The following HMCN2 variants were observed in gnomAD, a reference collection of about 807,000 sequenced individuals.
HMCN2 encodes the protein hemicentin-2.
Under a neutral mutation model 377.5 loss-of-function variants are expected in HMCN2, and 325 were observed. That is an observed-to-expected ratio of 0.86 (90% CI 0.79 to 0.94). HMCN2 has a LOEUF of 0.94. Among genes scored for constraint, HMCN2 ranks in the 40% least tolerant of loss-of-function variants. HMCN2 has a pLI of 0.00. For synonymous variants in HMCN2, 2,007 were observed against 2,046.8 expected, an observed-to-expected ratio of 0.98 and a Z score of 0.53; for missense variants, 4,543 against 4,725.3, an observed-to-expected ratio of 0.96 and a Z score of 1.13.
intron 15 of HMCN2, among the ~76,000 whole-genome samples, chr9:130,319,154 A>G (rs1163772617): frequency 6.6e-6 from 1 of 152,156 alleles, no homozygotes; most frequent in East Asian, 1.9e-4. Flanking sequence ...GCGGGTCACA[A>G]TCAGACTGAG....
chr9:130,371,844 A>G (rs11243908), intron 46 of HMCN2, among the ~76,000 whole-genome samples: 121,276 of 152,178 alleles, frequency 0.8, 50,876 homozygotes, highest in Non-Finnish European at 0.93. Flanking sequence ...CCTGTGTCCT[A>G]TGTATCTGCC....
At chr9:130,403,545 GTGGC>G (rs1842955260) in intron 79 of HMCN2, among the ~76,000 whole-genome samples, 192 bp from the exon 80 acceptor site, 1 of 152,228 alleles carries the variant, frequency 6.6e-6, no homozygotes, top group Non-Finnish European at 1.5e-5. Flanking sequence ...CGAGCACTCG[GTGGC>G]TGAGGTGGGA....
Position 130,348,562 on chromosome 9 carries a change from G to A in HMCN2, c.4042G>A (p.Glu1348Lys), listed in dbSNP as rs1346374785. The change falls in exon 27 of 98, where the codon GAG becomes AAG. Residue 1348 changes from glutamate to lysine, a missense_variant. By Grantham distance (56) the Glu-to-Lys change is moderately conservative. Around this residue, in one of 5 missense-constraint regions of HMCN2, gnomAD observed 547 missense variants for 189.9 expected, o/e 2.88. Coordinates refer to ENST00000683500, the MANE Select transcript of HMCN2 (RefSeq NM_001291815.2). ...LVVYVPPSIR[E>K]DGRKANVSGM... ...CCCCCAAGTGCCCCCCAGCATCCGG[G>A]AGGACGGGCGCAAGGCCAACGTGTC... The A allele has an allele frequency of 6.1e-6, 8 of 1,304,066 alleles. No homozygotes were observed. The highest frequency in any genetic ancestry group is 8.1e-6 in the Non-Finnish European group (8 of 988,906). 80.8% of individuals were successfully genotyped at this position (1,304,066 alleles called of 1,614,324 possible).
intron 55 of HMCN2, 48 bp downstream of exon 55, chr9:130,382,345 G>A (rs1057476645): frequency 3.2e-5 from 28 of 878,876 alleles, no homozygotes; most frequent in Middle Eastern, 1.1e-3. Context: ...TGCAAGCGCC[G>A]TAAGGGCCTC....
At position 130,363,997 on chromosome 9, in the gene HMCN2, G is replaced by A. The variant is rs565986312; in HGVS notation, c.6233-717G>A. ...AGGAAAGAAAGAAAGAGAAAGGAAG[G>A]AAGGAAAGAAAGAAAAAGAAAGAAA... On this transcript the variant is annotated intron_variant, in intron 40 of 97. Transcript: ENST00000683500. Among the ~76,000 whole-genome samples the A allele has an allele frequency of 5.0e-4, 76 of 151,964 alleles. 1 individual carries two copies. Among genetic ancestry groups the A allele is most frequent in the African/African-American group, 1.8e-3 (76 of 41,472 alleles).
At chr9:130,431,639 G>A (rs1844765785) in intron 96 of HMCN2, among the ~76,000 whole-genome samples, 153 bp downstream of exon 96, 1 of 152,224 alleles carries the variant, frequency 6.6e-6, no homozygotes, top group African/African-American at 2.4e-5. Context: ...GAGGGGTTCT[G>A]TGAACACCCC....
rs971456105 is a variant in HMCN2, at chr9:130,392,921, G to A, written c.10137-291G>A. ...TGAGGCAGGAGAATGGCGTGAACCC[G>A]GGAGGCGGAGCTTGCAGTGAGCCGA... On this transcript the variant is annotated intron_variant, in intron 66 of 97. Coordinates refer to ENST00000683500, the MANE Select transcript of HMCN2 (RefSeq NM_001291815.2). 4.6e-5 allele frequency among the ~76,000 whole-genome samples: 7 copies of A among 151,990 alleles called. No individual in the cohort carries two copies. In the East Asian group the frequency reaches 7.8e-4, roughly 17 times the overall value.
intron 8 of HMCN2, among the ~76,000 whole-genome samples, chr9:130,299,894 C>G (rs1249381248): frequency 6.6e-6 from 1 of 151,282 alleles, no homozygotes; most frequent in African/African-American, 2.4e-5. Flanking sequence ...CATCCATCTA[C>G]CCACCCATTC....
In HMCN2 at chr9:130,423,795, A is replaced by AAACG. The variant is rs1844156001; in HGVS notation, c.13382-980_13382-977dup. Among the ~76,000 whole-genome samples, 1 of 152,132 alleles carries AAACG rather than the reference A, an allele frequency of 6.6e-6. No homozygotes were observed. Among genetic ancestry groups the AAACG allele is most frequent in the Non-Finnish European group, 1.5e-5 (1 of 68,012 alleles). On this transcript the variant is annotated intron_variant, in intron 87 of 97. Coordinates refer to ENST00000683500, the MANE Select transcript of HMCN2 (RefSeq NM_001291815.2). This position sits in a 1 kb window ranked among gnomAD's most constrained non-coding sequence, Gnocchi z 5.5. ...AGGGCCATTTTTTGGTTCTTTTTTCAAACGGTTTGGAACAAACCGGGGCTG... is the reference window on the plus strand; with the variant it reads ...AGGGCCATTTTTTGGTTCTTTTTTCAAACGAACGGTTTGGAACAAACCGGGGCTG...
At chr9:130,402,136 G>T (rs950727209) in intron 77 of HMCN2, among the ~76,000 whole-genome samples, 1 of 152,226 alleles carries the variant, frequency 6.6e-6, no homozygotes, top group Non-Finnish European at 1.5e-5. Flanking sequence ...TAACAGCAAA[G>T]TCCAACAAGT....
In HMCN2 at chr9:130,369,914, C is replaced by A. The variant is rs1840923080; in HGVS notation, c.7069+63C>A. 1 of 936,366 alleles carries A rather than the reference C, an allele frequency of 1.1e-6. No homozygotes were observed. Among genetic ancestry groups the A allele is most frequent in the Non-Finnish European group, 1.3e-6 (1 of 785,218 alleles). The allele number at this position is 936,366 out of a possible 1,614,324, so 58.0% of individuals were successfully genotyped here. On this transcript the variant is annotated intron_variant, in intron 45 of 97. Coordinates refer to ENST00000683500, the MANE Select transcript of HMCN2 (RefSeq NM_001291815.2). The surrounding 1 kb of genome is among the most constrained non-coding windows in gnomAD (Gnocchi z 4.5). ...CAGATTAGAGTGGGCAAGGTGGGTT[C>A]AATCTCCAGGCACGGCCCTCAGGCT... is the stretch of plus-strand genomic sequence containing the variant.
At chr9:130,346,174 G>A (rs1440929259) in intron 25 of HMCN2, among the ~76,000 whole-genome samples, 13 of 152,132 alleles carry the variant, frequency 8.5e-5, no homozygotes, top group African/African-American at 2.9e-4. Flanking sequence ...AGGTCAGGGG[G>A]CAGGTGAGAG....
chr9:130,398,478 T>G (rs1182744629), intron 74 of HMCN2, 73 bp from the exon 75 acceptor site: 1 of 837,794 alleles, frequency 1.2e-6, no homozygotes, highest in Non-Finnish European at 1.6e-6. Context: ...GCTTTGCCCC[T>G]GGGCACAGCC....
rs952927620 is a variant in HMCN2 at position 130,403,766 on chromosome 9, C to T, written c.12039C>T (p.Gly4013=). 13 of 1,289,708 alleles carry T rather than the reference C, an allele frequency of 1.0e-5. No individual in the cohort carries two copies. In the Admixed American group the frequency reaches 1.6e-4, roughly 16 times the overall value. The allele number at this position is 1,289,708 out of a possible 1,614,324, so 79.9% of individuals were successfully genotyped here. The change falls in exon 80 of 98, where the codon GGC becomes GGT. Residue 4013 remains glycine, a synonymous_variant. Coordinates refer to ENST00000683500, the MANE Select transcript of HMCN2 (RefSeq NM_001291815.2). ...GAGTGAGTACCCAGGTCCTACCAGG[C>T]GGACAGCTGCGGATTGCCCATGCCA... is the stretch of plus-strand genomic sequence containing the variant. ...ATGVSTQVLP[G]GQLRIAHASP...
rs573997256 is a variant in HMCN2 at position 130,431,359 on chromosome 9, C to G, written c.14648-8C>G. 6.5e-7 allele frequency: 1 copy of G among 1,548,914 alleles called. No individual in the cohort carries two copies. Among genetic ancestry groups the G allele is most frequent in the South Asian group, 1.2e-5 (1 of 83,940 alleles). The stretch of plus-strand genomic sequence containing the variant: ...CCCCCACCTGCCCCACCCCCATGCC[C>G]GGGCCAGACCTTGACGAGTGCCGCG... On this transcript the variant is annotated splice_polypyrimidine_tract_variant and splice_region_variant and intron_variant, in intron 95 of 97. Transcript: ENST00000683500.
chr9:130,316,309 G>A (rs1837558167), intron 15 of HMCN2, among the ~76,000 whole-genome samples: 1 of 152,048 alleles, frequency 6.6e-6, no homozygotes, highest in Non-Finnish European at 1.5e-5. Context: ...GGTGTCTAGG[G>A]GCAGATGGAC....
At chr9:130,343,925 G>A (rs1564798317) in intron 25 of HMCN2, among the ~76,000 whole-genome samples, 1 of 152,202 alleles carries the variant, frequency 6.6e-6, no homozygotes, top group African/African-American at 2.4e-5. Context: ...CCTCTTCCTC[G>A]TGGGGTGGGG....
intron 85 of HMCN2, 64 bp from the exon 86 acceptor site, chr9:130,418,708 C>T: frequency 7.5e-7 from 1 of 1,330,176 alleles, no homozygotes; most frequent in Non-Finnish European, 9.8e-7. Flanking sequence ...TCTAAATGAA[C>T]ATATCCCACT....
At position 130,295,992 on chromosome 9, in the gene HMCN2, G is replaced by A. The variant is rs138968203; in HGVS notation, c.891+220G>A. Reference sequence around the variant, plus strand: ...ATAGAGTGGTTTGGGGTTACTTTGGGAACATTTAAGAAGGACTTGGAGAAA... The same window carrying A: ...ATAGAGTGGTTTGGGGTTACTTTGGAAACATTTAAGAAGGACTTGGAGAAA... On this transcript the variant is annotated intron_variant, in intron 6 of 97. Transcript: ENST00000683500. 3.8e-3 allele frequency among the ~76,000 whole-genome samples: 573 copies of A among 152,348 alleles called. 1 individual carries two copies. Among genetic ancestry groups the A allele is most frequent in the Middle Eastern group, 0.014 (4 of 294 alleles).
Sources: allele counts gnomAD v4.1 joint callset (sites outside exome capture counted in the v4.1 genomes callset), GRCh38; gene constraint gnomAD v4.1.1; regional missense constraint gnomAD v4.1.1; non-coding constraint Gnocchi (gnomAD v3.1); transcripts MANE v1.5; gene names NCBI Gene and HGNC (gene_info 2026-07-23, HGNC 2026-07-21).